Variants in PTK2 observed in about 807,000 individuals in gnomAD.
PTK2 encodes focal adhesion kinase 1.
Under a neutral mutation model 150.1 loss-of-function variants are expected in PTK2, and 45 were observed. The ratio of observed to expected loss-of-function variants is 0.30; its 90% CI spans 0.24 to 0.38. The LOEUF (loss-of-function observed/expected upper bound fraction) is 0.38, where lower values mean the gene tolerates loss of function less well. Among genes scored for constraint, PTK2 ranks in the 10% least tolerant of loss-of-function variants. The probability of loss-of-function intolerance (pLI) is 1.00; values close to 1 mark genes in which losing one functional copy is unlikely to be tolerated. For synonymous variants in PTK2, 432 were observed against 449.2 expected (o/e 0.96, Z 0.48); for missense variants, 919 against 1,307.3 (o/e 0.70, Z 4.58).
At chr8:140,712,794 C>T (rs546553268) in intron 23 of PTK2, among the ~76,000 whole-genome samples, 15 of 152,190 alleles carry the variant, frequency 9.9e-5, no homozygotes, top group Non-Finnish European at 2.2e-4. Flanking sequence ...GTCAAGATCA[C>T]GGTAATAAGT....
chr8:140,878,239 C>G (rs188436339), intron 4 of PTK2, among the ~76,000 whole-genome samples: 1 of 152,302 alleles, frequency 6.6e-6, no homozygotes, highest in Non-Finnish European at 1.5e-5. Flanking sequence ...AGCTACCTGA[C>G]AAATTTGAAA....
intron 1 of PTK2, among the ~76,000 whole-genome samples, chr8:140,945,821 T>C (rs1431805803): frequency 6.6e-6 from 1 of 152,172 alleles, no homozygotes; most frequent in Non-Finnish European, 1.5e-5. Context: ...TCCATCTCCA[T>C]GCTTTTTCTG....
At chr8:140,744,083 T>A (rs1593274788) in intron 19 of PTK2, among the ~76,000 whole-genome samples, 1 of 24,826 alleles carries the variant, frequency 4.0e-5, no homozygotes, top group African/African-American at 1.1e-3. Context: ...GGCCTATTTC[T>A]TTTTTTTTTT....
At chr8:140,707,616 G>T (rs1000815285) in intron 23 of PTK2, among the ~76,000 whole-genome samples, 10 of 152,128 alleles carry the variant, frequency 6.6e-5, no homozygotes, top group Non-Finnish European at 1.2e-4. Flanking sequence ...TGTTGGCCAG[G>T]CTGGTCTTGA....
chr8:140,953,184 G>A (rs2100180082), intron 1 of PTK2, among the ~76,000 whole-genome samples: 1 of 152,152 alleles, frequency 6.6e-6, no homozygotes, highest in African/African-American at 2.4e-5. Flanking sequence ...CAGGGGATAT[G>A]CTCCTAGTCC....
chr8:140,916,540 T>C (rs2100165348), intron 2 of PTK2, among the ~76,000 whole-genome samples: 1 of 152,238 alleles, frequency 6.6e-6, no homozygotes, highest in African/African-American at 2.4e-5. Context: ...ATAGACATTC[T>C]ATATAAGACT....
chr8:140,754,043 A>C (rs141049699), intron 16 of PTK2, among the ~76,000 whole-genome samples: 1 of 152,360 alleles, frequency 6.6e-6, no homozygotes, highest in African/African-American at 2.4e-5. Flanking sequence ...TAGACTTCAC[A>C]CTAGTTGTAT....
intron 1 of PTK2, among the ~76,000 whole-genome samples, chr8:140,935,120 T>A (rs1195034445): frequency 6.6e-6 from 1 of 152,228 alleles, no homozygotes; most frequent in Admixed American, 6.5e-5. Flanking sequence ...AAGGGGGAGA[T>A]AGGAACAACT....
chr8:140,706,022 A>G (rs1240212512), intron 24 of PTK2, 97 bp downstream of exon 27: 4 of 989,136 alleles, frequency 4.0e-6, no homozygotes, highest in East Asian at 2.5e-5. Flanking sequence ...AATCATACTC[A>G]TAAGTACATA....
chr8:140,733,828 G>C (rs375929821), intron 22 of PTK2, among the ~76,000 whole-genome samples: 26 of 152,312 alleles, frequency 1.7e-4, no homozygotes, highest in Middle Eastern at 3.4e-3. Flanking sequence ...CGGTGTGTGA[G>C]AGTTATGGGG....
At chr8:140,796,491 T>C (rs1411623279) in intron 12 of PTK2, among the ~76,000 whole-genome samples, 2 of 152,206 alleles carry the variant, frequency 1.3e-5, no homozygotes, top group Non-Finnish European at 2.9e-5. Context: ...ATTAGTGTGA[T>C]TTCTGTTTGT....
At chr8:140,794,115 C>T (rs1213063452) in intron 12 of PTK2, among the ~76,000 whole-genome samples, 1 of 152,154 alleles carries the variant, frequency 6.6e-6, no homozygotes, top group Admixed American at 6.5e-5. Context: ...TGTAACAGCC[C>T]CCTAATTGGT....
At chr8:140,764,245 G>T (rs1274444744) in exon 15 of PTK2, 1 of 1,610,114 alleles carries the variant, frequency 6.2e-7, no homozygotes, top group East Asian at 2.2e-5. Flanking sequence ...TGAGGGCATG[G>T]TGTAAGTATC....
intron 5 of PTK2, among the ~76,000 whole-genome samples, chr8:140,860,162 G>T (rs1421938401): frequency 1.3e-5 from 2 of 152,134 alleles, no homozygotes; most frequent in Non-Finnish European, 2.9e-5. Context: ...GTTAATGAGG[G>T]ATACATAAAT....
intron 5 of PTK2, among the ~76,000 whole-genome samples, chr8:140,862,504 C>T (rs1429695523): frequency 6.6e-6 from 1 of 152,134 alleles, no homozygotes. Flanking sequence ...ACTTAACTCC[C>T]TTTCATATTC....
intron 1 of PTK2, among the ~76,000 whole-genome samples, chr8:141,000,370 C>T (rs946744068): frequency 2.6e-5 from 4 of 152,144 alleles, no homozygotes; most frequent in Admixed American, 2.6e-4. Flanking sequence ...GCTTGGGGCT[C>T]GGGCACCGGC....
At chr8:140,914,884 T>C (rs1019389390) in intron 2 of PTK2, among the ~76,000 whole-genome samples, 2 of 151,672 alleles carry the variant, frequency 1.3e-5, no homozygotes, top group Admixed American at 6.6e-5. Flanking sequence ...AAACACAAAA[T>C]TAGCCGGGCA....
intron 26 of PTK2, among the ~76,000 whole-genome samples, chr8:140,694,165 T>C (rs924108725): frequency 2.0e-5 from 3 of 151,402 alleles, no homozygotes; most frequent in Non-Finnish European, 4.4e-5. Context: ...CTTAGCCTCC[T>C]GAGTAGCTGG....
At chr8:140,697,863 T>G (rs914390814) in intron 26 of PTK2, among the ~76,000 whole-genome samples, 43 of 133,968 alleles carry the variant, frequency 3.2e-4, no homozygotes, top group Non-Finnish European at 5.8e-4. Context: ...TTTTTTTTTT[T>G]TTTTTTTTTT....
Sources: allele counts gnomAD v4.1 joint callset (sites outside exome capture counted in the v4.1 genomes callset), GRCh38; gene constraint gnomAD v4.1.1; transcripts MANE v1.5; gene names NCBI Gene and HGNC (gene_info 2026-07-23, HGNC 2026-07-21).